FAM186B: variants seen among roughly 807,000 people sequenced by gnomAD.
FAM186B encodes family with sequence similarity 186 member B.
FAM186B carries 68 observed loss-of-function variants against 83.4 expected under a neutral mutation model. The observed-to-expected ratio is 0.81, with a 90% CI of 0.67 to 1.00. FAM186B has a LOEUF of 1.00. Ranked by LOEUF, FAM186B falls within the 50% of genes least tolerant of loss-of-function variation. The pLI is 0.00. For missense variants in FAM186B, 983 were observed against 1,099.2 expected, an observed-to-expected ratio of 0.89 and a Z score of 1.49; for synonymous variants, 389 against 422.0, an observed-to-expected ratio of 0.92 and a Z score of 0.96.
At position 49,602,386 on chromosome 12, in the gene FAM186B, G is replaced by A. The variant is rs530862746; in HGVS notation, c.505+799C>T. 1.6e-4 allele frequency among the ~76,000 whole-genome samples: 25 copies of A among 152,306 alleles called. No individual in the cohort carries two copies. The South Asian group carries it at 5.0e-3, about 30-fold the overall frequency. On this transcript the variant is annotated intron_variant, in intron 3 of 6. Coordinates refer to ENST00000257894, the MANE Select transcript of FAM186B (RefSeq NM_032130.3). Reference sequence around the variant, plus strand: ...CTTGATTGATAATGAGGCTGGCCATGAGGAACAATGGTAAATGCTGATGGT... The same window carrying A: ...CTTGATTGATAATGAGGCTGGCCATAAGGAACAATGGTAAATGCTGATGGT...
At chr12:49,588,742 A>T in intron 5 of FAM186B, 119 bp from the exon 6 acceptor site, 2 of 995,094 alleles carry the variant, frequency 2.0e-6, no homozygotes, top group Non-Finnish European at 1.4e-6. Flanking sequence ...TGGAGAGGGT[A>T]AGGCCCAGGG....
chr12:49,594,663 T>C (rs1260031586), intron 5 of FAM186B, among the ~76,000 whole-genome samples: 1 of 151,992 alleles, frequency 6.6e-6, no homozygotes, highest in African/African-American at 2.4e-5. Flanking sequence ...TCACCAGAGG[T>C]CAGGAGTTTG....
chr12:49,591,702 C>T (rs1225058486), intron 5 of FAM186B, among the ~76,000 whole-genome samples: 2 of 152,090 alleles, frequency 1.3e-5, no homozygotes, highest in Non-Finnish European at 2.9e-5. Flanking sequence ...GTACAGTTGT[C>T]CCTTGCTATC....
chr12:49,597,036 TATTCACC>T (rs1206111352), intron 5 of FAM186B, among the ~76,000 whole-genome samples: 2 of 152,224 alleles, frequency 1.3e-5, no homozygotes, highest in Non-Finnish European at 2.9e-5. Context: ...ATAACACAAA[TATTCACC>T]ATTGTGTTCT....
At chr12:49,604,738 T>C in intron 1 of FAM186B, 200 bp from the exon 2 acceptor site, 1 of 544,690 alleles carries the variant, frequency 1.8e-6, no homozygotes, top group Non-Finnish European at 3.2e-6. Context: ...GTGCTTTTAA[T>C]AGTACCTGGC....
chr12:49,599,561 C>A lies in FAM186B; in HGVS notation c.2079G>T (p.Leu693=). The change falls in exon 4 of 7, where the codon CTG becomes CTT. Residue 693 remains leucine, a synonymous_variant. Transcript: ENST00000257894. ...RLPHYLRSKA[L]ELTTTTMELG... is the part of the protein sequence containing the mutation. ...GCTCCATGGTGGTGGTGGTGAGCTC[C>A]AGTGCTTTGCTGCGCAGGTAGTGGG... 1 of 1,611,870 alleles carries A rather than the reference C, an allele frequency of 6.2e-7. No homozygotes were observed. Among genetic ancestry groups the A allele is most frequent in the South Asian group, 1.1e-5 (1 of 90,752 alleles).
rs1939471400 is a variant in FAM186B, at chr12:49,587,510, G to A, written c.*95C>T. The A allele has an allele frequency of 2.0e-6, 3 of 1,526,704 alleles. No homozygotes were observed. Among genetic ancestry groups the A allele is most frequent in the Non-Finnish European group, 2.7e-6 (3 of 1,101,486 alleles). The allele number at this position is 1,526,704 out of a possible 1,614,324, so 94.6% of individuals were successfully genotyped here. ...GATAGCAAATGAGGTCATTGTTAAAGCCTGGAGAGAGATTTATTGGGGAGA... is the reference window on the plus strand; with the variant it reads ...GATAGCAAATGAGGTCATTGTTAAAACCTGGAGAGAGATTTATTGGGGAGA... On this transcript the variant is annotated 3_prime_UTR_variant, in exon 7 of 7. Coordinates refer to ENST00000257894, the MANE Select transcript of FAM186B (RefSeq NM_032130.3).
In FAM186B at chr12:49,589,682, A is replaced by G. The variant is rs116962946; in HGVS notation, c.2365-1059T>C. 4.0e-3 allele frequency among the ~76,000 whole-genome samples: 605 copies of G among 152,170 alleles called. 4 individuals are homozygous for G. The highest frequency in any genetic ancestry group is 6.3e-3 in the Non-Finnish European group (431 of 68,008). ...AAAGAAGTTAAATCTATATCTATAT[A>G]TCTATAATAAAGAATCAAGGCTGGG... is the stretch of plus-strand genomic sequence containing the variant. On this transcript the variant is annotated intron_variant, in intron 5 of 6. Coordinates refer to ENST00000257894, the MANE Select transcript of FAM186B (RefSeq NM_032130.3).
chr12:49,598,976 G>A (rs750998380), intron 4 of FAM186B, 29 bp from the exon 5 acceptor site: 1 of 1,607,880 alleles, frequency 6.2e-7, no homozygotes. Flanking sequence ...CAATTTAGGG[G>A]GTGGAGAGGC....
rs1369578016 is a variant in FAM186B, at chr12:49,599,514, T to C, written c.2126A>G (p.Tyr709Cys). Residue 709 changes from tyrosine to cysteine, a missense_variant, in exon 4 of 7, where the codon TAC (tyrosine) becomes TGC (cysteine). Transcript: ENST00000257894. Reference protein sequence around the residue: ...TMELGALRLQYLCHKYIFYRR... With the variant: ...TMELGALRLQCLCHKYIFYRR... ...ATAGAAGATGTACTTATGGCACAGGTACTGCAGCCTGAGCGCGCCCAGCTC... is the reference window on the plus strand; with the variant it reads ...ATAGAAGATGTACTTATGGCACAGGCACTGCAGCCTGAGCGCGCCCAGCTC... The C allele has an allele frequency of 1.3e-6, 2 of 1,585,244 alleles. No homozygotes were observed. The highest frequency in any genetic ancestry group is 2.7e-5 in the African/African-American group (2 of 73,732).
At chr12:49,620,374 A>G in the FAM186B span, among the ~76,000 whole-genome samples, 1 of 152,150 alleles carries the variant, frequency 6.6e-6, no homozygotes, top group Non-Finnish European at 1.5e-5. Flanking sequence ...AACTCTGTCA[A>G]AAAAGTGCAT....
At chr12:49,604,636 G>T in intron 1 of FAM186B, 98 bp from the exon 2 acceptor site, 1 of 890,202 alleles carries the variant, frequency 1.1e-6, no homozygotes, top group Non-Finnish European at 1.8e-6. Flanking sequence ...TAGCCTCTTT[G>T]GGTCTCAGTT....
At chr12:49,607,037 AAG>A (rs1940037903), upstream of FAM186B, among the ~76,000 whole-genome samples, 1 of 152,236 alleles carries the variant, frequency 6.6e-6, no homozygotes. Context: ...TGAGTCAAAA[AAG>A]AAATCACAGG....
chr12:49,600,441 C>T lies in FAM186B; in HGVS notation c.1199G>A (p.Arg400Lys). 1.2e-6 allele frequency: 2 copies of T among 1,613,216 alleles called. No individual in the cohort carries two copies. Among genetic ancestry groups the T allele is most frequent in the South Asian group, 1.1e-5 (1 of 90,968 alleles). Reference protein sequence around the residue: ...QPLSTMTVRSRVADVFGSKDT... With the variant: ...QPLSTMTVRSKVADVFGSKDT... ...CTTGCTGCCGAACACATCTGCGACC[C>T]TCGAGCGCACAGTCATGGTGGAAAG... The change falls in exon 4 of 7, where the codon AGG (arginine) becomes AAG (lysine). Residue 400 changes from arginine (R) to lysine (K), a missense_variant. Transcript: ENST00000257894. This position sits in a 1 kb window ranked among gnomAD's most constrained non-coding sequence, Gnocchi z 4.3.
At chr12:49,599,343 C>A in intron 4 of FAM186B, 126 bp downstream of exon 4, 1 of 1,385,296 alleles carries the variant, frequency 7.2e-7, no homozygotes, top group Non-Finnish European at 9.4e-7. Flanking sequence ...CTCAGGAGAC[C>A]CTGTCCAGGC....
At chr12:49,586,696 A>G (rs570877429), downstream of FAM186B, among the ~76,000 whole-genome samples, 1 of 152,360 alleles carries the variant, frequency 6.6e-6, no homozygotes, top group East Asian at 1.9e-4. Context: ...AACAACCAAC[A>G]GCAACACACA....
At position 49,599,984 on chromosome 12, in the gene FAM186B, C is replaced by T; in HGVS notation, c.1656G>A (p.Gly552=). ...TGAAGATCCTCCTCTCCACATCCTC[C>T]CCTAGCTGCTCTGGCTCTCTCCGTG... is the stretch of plus-strand genomic sequence containing the variant. ...ESPRREPEQL[G]EDVERRIFTP... Residue 552 remains glycine, a synonymous_variant, in exon 4 of 7, where the codon GGG becomes GGA. Transcript: ENST00000257894. The T allele has an allele frequency of 6.2e-7, 1 of 1,613,678 alleles. No individual in the cohort carries two copies. The highest frequency in any genetic ancestry group is 2.2e-5 in the East Asian group (1 of 44,874).
In FAM186B at chr12:49,599,639, C is replaced by A; in HGVS notation, c.2001G>T (p.Glu667Asp). 1 of 1,607,764 alleles carries A rather than the reference C, an allele frequency of 6.2e-7. No individual in the cohort carries two copies. Among genetic ancestry groups the A allele is most frequent in the Non-Finnish European group, 8.5e-7 (1 of 1,177,062 alleles). Residue 667 changes from glutamate to aspartate, a missense_variant, in exon 4 of 7, where the codon GAG becomes GAT. Physicochemically the swap from Glu to Asp is conservative, Grantham distance 45. Coordinates refer to ENST00000257894, the MANE Select transcript of FAM186B (RefSeq NM_032130.3). Reference sequence around the variant, plus strand: ...GGAGCTGCAGGTTCTTCCTCTGGGCCTCCATGTCCATGTGGTACACCTTCT... The same window carrying A: ...GGAGCTGCAGGTTCTTCCTCTGGGCATCCATGTCCATGTGGTACACCTTCT... ...IKKKVYHMDM[E>D]AQRKNLQLLS...
chr12:49,588,406 G>A (rs369913732), intron 6 of FAM186B, 48 bp downstream of exon 6: 38 of 1,568,126 alleles, frequency 2.4e-5, no homozygotes, highest in Non-Finnish European at 3.0e-5. Context: ...CCTGCTCCCT[G>A]CCTCTTCACC....
Sources: gnomAD v4.1 joint callset for allele counts (sites outside exome capture counted in the v4.1 genomes callset) on GRCh38, gnomAD v4.1.1 for gene constraint, Gnocchi (gnomAD v3.1) non-coding constraint, MANE v1.5 for transcripts, NCBI Gene and HGNC (gene_info 2026-07-23, HGNC 2026-07-21) for gene names.